HADHB: variants seen among roughly 807,000 people sequenced by gnomAD.
The protein encoded by HADHB is hydroxyacyl-CoA dehydrogenase trifunctional multienzyme complex subunit beta.
HADHB carries 50 observed loss-of-function variants against 61.9 expected under a neutral mutation model. That is an observed-to-expected ratio of 0.81 (90% confidence interval 0.64 to 1.02). HADHB has a LOEUF of 1.02. Among genes scored for constraint, HADHB ranks in the 50% least tolerant of loss-of-function variants. The pLI is 0.00. For synonymous variants in HADHB, 191 were observed against 201.6 expected (o/e 0.95, Z 0.45); for missense variants, 504 against 586.5 (o/e 0.86, Z 1.45).
Position 26,276,831 on chromosome 2 carries a change from CAT to C in HADHB, c.355-240_355-239del, listed in dbSNP as rs1292128033. Among the ~76,000 whole-genome samples, 4 of 152,292 alleles carry C rather than the reference CAT, an allele frequency of 2.6e-5. No homozygotes were observed. The East Asian group carries it at 7.7e-4, about 29-fold the overall frequency. ...GAAATTAGGTGAGTTAGGAGAGTAT[CAT>C]AGCCTCGTGTCTGCACTAGAAACCA... On this transcript the variant is annotated intron_variant, in intron 6 of 15. Coordinates refer to ENST00000317799, the MANE Select transcript of HADHB (RefSeq NM_000183.3).
chr2:26,259,730 G>A (rs1387001758), intron 3 of HADHB, among the ~76,000 whole-genome samples: 1 of 152,166 alleles, frequency 6.6e-6, no homozygotes, highest in Non-Finnish European at 1.5e-5. Context: ...ATTTGGAATG[G>A]CCAGTGTGCC....
At chr2:26,254,101 ATAT>A (rs1671514899) in intron 1 of HADHB, 143 bp from the exon 2 acceptor site, 1 of 616,144 alleles carries the variant, frequency 1.6e-6, no homozygotes, top group Non-Finnish European at 2.9e-6. Context: ...TATCATAATA[ATAT>A]TATTAGATGA....
chr2:26,265,005 G>A (rs1468911957), intron 4 of HADHB, among the ~76,000 whole-genome samples: 4 of 142,722 alleles, frequency 2.8e-5, no homozygotes, highest in African/African-American at 1.1e-4. Context: ...AAAAAAAAAA[G>A]AAGAAGAAGT....
chr2:26,279,369 A>C (rs1407449655), intron 9 of HADHB, 54 bp downstream of exon 9: 19 of 1,218,494 alleles, frequency 1.6e-5, no homozygotes, highest in Non-Finnish European at 2.3e-5. Context: ...TGCTCCTAAA[A>C]CTCAAAAACA....
rs201248466 is a variant in HADHB, at chr2:26,269,943, C to T, written c.210-10C>T. 1.7e-5 allele frequency: 27 copies of T among 1,596,646 alleles called. No individual in the cohort carries two copies. The highest frequency in any genetic ancestry group is 8.9e-5 in the East Asian group (4 of 44,796). ...GGTTTTGGTTTAAATTACTGGTTTT[C>T]GTTCCCCAGATATAAAGACCTGATG... On this transcript the variant is annotated splice_polypyrimidine_tract_variant and intron_variant, in intron 4 of 15. Coordinates refer to ENST00000317799, the MANE Select transcript of HADHB (RefSeq NM_000183.3).
chr2:26,278,732 T>G lies in HADHB; in HGVS notation c.561T>G (p.Asn187Lys). 1.9e-6 allele frequency: 3 copies of G among 1,614,098 alleles called. No homozygotes were observed. The highest frequency in any genetic ancestry group is 2.5e-6 in the Non-Finnish European group (3 of 1,179,948). ...RKMRKLMLDLNKAKSMGQRLS... is the reference protein window; with the variant it reads ...RKMRKLMLDLKKAKSMGQRLS... ...TGAGAAAACTGATGCTTGATCTCAA[T>G]AAGGCCAAATCTATGGGCCAGCGAC... Residue 187 changes from asparagine (N) to lysine (K), a missense_variant, in exon 8 of 16, where the codon AAT becomes AAG. Coordinates refer to ENST00000317799, the MANE Select transcript of HADHB (RefSeq NM_000183.3).
At chr2:26,261,437 A>G (rs1671862063) in intron 3 of HADHB, 1 of 172,154 alleles carries the variant, frequency 5.8e-6, no homozygotes, top group South Asian at 1.5e-4. Flanking sequence ...CTGTGGAATT[A>G]ACATATCCAC....
At chr2:26,256,804 A>G (rs1671631143) in intron 3 of HADHB, among the ~76,000 whole-genome samples, 1 of 152,190 alleles carries the variant, frequency 6.6e-6, no homozygotes, top group Admixed American at 6.5e-5. Flanking sequence ...GTGTGCCCAG[A>G]GCACTGTAGA....
chr2:26,285,739 G>GTTTTTTTTTTTTTTGTTTTTTTTTTTT (rs1553323308), intron 15 of HADHB, among the ~76,000 whole-genome samples, 168 bp downstream of exon 15: 1 of 65,096 alleles, frequency 1.5e-5, no homozygotes, highest in African/African-American at 6.6e-5. Context: ...TGTTTTTTGG[G>GTTTTTTTTTTTTTTGTTTTTTTTTTTT]TTTTTTTTTT....
chr2:26,266,201 G>A (rs1355160317), intron 4 of HADHB, among the ~76,000 whole-genome samples: 1 of 151,952 alleles, frequency 6.6e-6, no homozygotes, highest in Non-Finnish European at 1.5e-5. Flanking sequence ...AGGAGTTTGA[G>A]GCTGCAGTGG....
At position 26,279,977 on chromosome 2, in the gene HADHB, A is replaced by T. The variant is rs749604477; in HGVS notation, c.812-17A>T. The T allele has an allele frequency of 1.3e-6, 2 of 1,597,454 alleles. No individual in the cohort carries two copies. The highest frequency in any genetic ancestry group is 2.2e-5 in the East Asian group (1 of 44,778). On this transcript the variant is annotated splice_polypyrimidine_tract_variant and intron_variant, in intron 9 of 15. Coordinates refer to ENST00000317799, the MANE Select transcript of HADHB (RefSeq NM_000183.3). Reference sequence around the variant, plus strand: ...CTTGTGGTTCCATAGAGTTAAAAAAATTCATTTTTTTAATAGGAAAAGATA... The same window carrying T: ...CTTGTGGTTCCATAGAGTTAAAAAATTTCATTTTTTTAATAGGAAAAGATA...
intron 9 of HADHB, among the ~76,000 whole-genome samples, chr2:26,279,627 TAA>T (rs879532452): frequency 1.0e-4 from 14 of 138,326 alleles, no homozygotes; most frequent in Admixed American, 1.5e-4. Context: ...CATCTCTAAT[TAA>T]AAAAAAAAAA....
Position 26,286,596 on chromosome 2 carries a change from G to A in HADHB, c.1389+1025G>A, listed in dbSNP as rs371334232. 1.1e-4 allele frequency among the ~76,000 whole-genome samples: 16 copies of A among 152,070 alleles called. No homozygotes were observed. In the South Asian group the frequency reaches 3.1e-3, roughly 30 times the overall value. ...CGGCTCACTGCAACCTCTGCCTCGC[G>A]AGTTCAAGCGATTCTCCTGTCTCAG... On this transcript the variant is annotated intron_variant, in intron 15 of 15. Transcript: ENST00000317799.
intron 3 of HADHB, among the ~76,000 whole-genome samples, chr2:26,260,228 C>T (rs537279198): frequency 3.3e-5 from 5 of 151,606 alleles, no homozygotes; most frequent in Non-Finnish European, 5.9e-5. Flanking sequence ...ATTATAGGAG[C>T]GTACCACCGT....
intron 12 of HADHB, 55 bp from the exon 13 acceptor site, chr2:26,284,062 G>A: frequency 1.1e-6 from 1 of 928,928 alleles, no homozygotes; most frequent in Non-Finnish European, 1.8e-6. Flanking sequence ...GAATATGAAG[G>A]AGCTCTTAGT....
In HADHB at chr2:26,269,938, GT is replaced by G; in HGVS notation, c.210-11del. ...TCTAGGGTTTTGGTTTAAATTACTG[GT>G]TTTCGTTCCCCAGATATAAAGACCT... is the stretch of plus-strand genomic sequence containing the variant. On this transcript the variant is annotated splice_polypyrimidine_tract_variant and intron_variant, in intron 4 of 15. Transcript: ENST00000317799. The G allele has an allele frequency of 6.3e-7, 1 of 1,592,612 alleles. No homozygotes were observed. Among genetic ancestry groups the G allele is most frequent in the Non-Finnish European group, 8.6e-7 (1 of 1,160,406 alleles).
At chr2:26,275,284 C>T (rs945740153) in intron 6 of HADHB, among the ~76,000 whole-genome samples, 37 of 152,166 alleles carry the variant, frequency 2.4e-4, no homozygotes, top group African/African-American at 8.7e-4. Context: ...GTTTCTTAGG[C>T]CCTATTGCCT....
At chr2:26,283,294 G>C (rs565455584) in intron 12 of HADHB, among the ~76,000 whole-genome samples, 2 of 152,286 alleles carry the variant, frequency 1.3e-5, no homozygotes, top group African/African-American at 4.8e-5. Flanking sequence ...GGAGGCCGAG[G>C]TGGGCAGACC....
In HADHB at chr2:26,254,333, A is replaced by AT. The variant is rs776108145; in HGVS notation, c.64+22dup. On this transcript the variant is annotated intron_variant, in intron 2 of 15. Coordinates refer to ENST00000317799, the MANE Select transcript of HADHB (RefSeq NM_000183.3). ...CCTCAGATTTTGTAAGTTTATTATT[A>AT]TTTTTTTATTTTTAGAGATTGGATT... The AT allele has an allele frequency of 7.2e-6, 11 of 1,519,172 alleles. No homozygotes were observed. The highest frequency in any genetic ancestry group is 1.0e-5 in the Non-Finnish European group (11 of 1,094,322). The allele number at this position is 1,519,172 out of a possible 1,614,324, so 94.1% of individuals were successfully genotyped here. A position where few individuals can be genotyped will look rare whatever the true frequency, so the allele number is the denominator to read the frequency against.
Sources: allele counts gnomAD v4.1 joint callset (sites outside exome capture counted in the v4.1 genomes callset), GRCh38; gene constraint gnomAD v4.1.1; transcripts MANE v1.5; gene names NCBI Gene and HGNC (gene_info 2026-07-23, HGNC 2026-07-21).